The following LYZL1 variants were observed in gnomAD, a reference collection of about 807,000 sequenced individuals.
LYZL1 encodes the protein lysozyme like 1.
A neutral mutation model predicts 17.9 loss-of-function variants in LYZL1; 16 were observed. That is an observed-to-expected ratio of 0.90 (90% CI 0.61 to 1.36). The LOEUF (loss-of-function observed/expected upper bound fraction) is 1.36, where lower values mean the gene tolerates loss of function less well. Among genes scored for constraint, LYZL1 ranks in the 40% most tolerant of loss-of-function variants. LYZL1 has a pLI of 0.00. For synonymous variants in LYZL1, 58 were observed against 71.8 expected (o/e 0.81, Z 0.97); for missense variants, 149 against 188.4 (o/e 0.79, Z 1.22).
At chr10:29,302,708 C>T (rs1164148169) in intron 3 of LYZL1, among the ~76,000 whole-genome samples, 1 of 152,168 alleles carries the variant, frequency 6.6e-6, no homozygotes, top group Admixed American at 6.5e-5. Context: ...ATGAGCTGGC[C>T]TTCAGTGTGA....
At chr10:29,296,026 C>T (rs1223614886) in intron 3 of LYZL1, among the ~76,000 whole-genome samples, 1 of 152,100 alleles carries the variant, frequency 6.6e-6, no homozygotes, top group Non-Finnish European at 1.5e-5. Context: ...CTGTGAATCC[C>T]CTGGCACTCT....
intron 1 of LYZL1, among the ~76,000 whole-genome samples, chr10:29,290,102 T>G (rs191198956): frequency 2.2e-4 from 34 of 152,282 alleles, no homozygotes; most frequent in African/African-American, 7.0e-4. Context: ...ATCCCTGTTT[T>G]GGGCCTAGCC....
chr10:29,316,334 G>C (rs1054941251), intron 3 of LYZL1, among the ~76,000 whole-genome samples: 2 of 152,214 alleles, frequency 1.3e-5, no homozygotes, highest in Non-Finnish European at 2.9e-5. Flanking sequence ...CAGTCACTTT[G>C]GTTTAAACTG....
chr10:29,289,095 A>T lies in LYZL1; in HGVS notation c.-161A>T, dbSNP rs750709759. On this transcript the variant is annotated 5_prime_UTR_variant, in exon 1 of 5. Transcript: ENST00000649382. ...AGGAAAGGATTACTCGCGCCTCGTT[A>T]GAATCAGACATGGCTTCAGGGGATG... 1 of 1,553,664 alleles carries T rather than the reference A, an allele frequency of 6.4e-7. No individual in the cohort carries two copies. Among genetic ancestry groups the T allele is most frequent in the Non-Finnish European group, 8.7e-7 (1 of 1,147,008 alleles).
intron 1 of LYZL1, among the ~76,000 whole-genome samples, chr10:29,289,600 G>T (rs1302734730): frequency 1.3e-5 from 2 of 151,120 alleles, no homozygotes; most frequent in African/African-American, 2.4e-5. Flanking sequence ...TGTATATTTT[G>T]TAGAGGCAGG....
At chr10:29,307,399 C>T (rs1167808625) in intron 3 of LYZL1, among the ~76,000 whole-genome samples, 5 of 152,218 alleles carry the variant, frequency 3.3e-5, no homozygotes, top group South Asian at 2.1e-4. Flanking sequence ...TCACTTAGCA[C>T]GATCTCCTTC....
chr10:29,291,915 C>T lies in LYZL1; in HGVS notation c.48C>T (p.Gly16=), dbSNP rs552381298. ...CCCTCATTGGCTGCCTGGTCACAGG[C>T]GCCGAGTCCAAAATCTACACTCGTT... ...ILTLIGCLVT[G]AESKIYTRCK... The change falls in exon 2 of 5, where the codon GGC becomes GGT. Residue 16 remains glycine, a synonymous_variant. Coordinates refer to ENST00000649382, the MANE Select transcript of LYZL1 (RefSeq NM_032517.6). 2.8e-5 allele frequency: 44 copies of T among 1,589,068 alleles called. No individual in the cohort carries two copies. In the African/African-American group the frequency reaches 3.5e-4, roughly 13 times the overall value.
At chr10:29,307,106 G>A (rs1420197044) in intron 3 of LYZL1, among the ~76,000 whole-genome samples, 2 of 151,954 alleles carry the variant, frequency 1.3e-5, no homozygotes, top group Non-Finnish European at 2.9e-5. Context: ...CACCTGCCTC[G>A]GCCTCCCAAA....
intron 3 of LYZL1, among the ~76,000 whole-genome samples, chr10:29,307,774 C>T (rs1376502770): frequency 1.3e-5 from 2 of 152,076 alleles, no homozygotes; most frequent in African/African-American, 4.8e-5. Flanking sequence ...GTAAATAAAA[C>T]TAGAGTAAAC....
At chr10:29,290,027 T>C (rs937277028) in intron 1 of LYZL1, among the ~76,000 whole-genome samples, 2 of 152,196 alleles carry the variant, frequency 1.3e-5, no homozygotes, top group Non-Finnish European at 2.9e-5. Context: ...GTTCCTTACC[T>C]TATTGCTTAG....
At chr10:29,314,296 T>G (rs74131346), downstream of LYZL1, among the ~76,000 whole-genome samples, 2 of 152,152 alleles carry the variant, frequency 1.3e-5, no homozygotes, top group African/African-American at 4.8e-5. Flanking sequence ...CTGGACCATG[T>G]CCTTCACTGC....
chr10:29,297,800 C>T (rs146489381), intron 3 of LYZL1, among the ~76,000 whole-genome samples: 9 of 152,162 alleles, frequency 5.9e-5, no homozygotes, highest in East Asian at 1.9e-4. Flanking sequence ...CATACAATTT[C>T]GGAACATGAT....
In LYZL1 at chr10:29,306,796, A is replaced by ATGTGTGTGTGTGTGTGTG. The variant is rs35332190; in HGVS notation, c.299-3297_299-3280dup. Among the ~76,000 whole-genome samples the ATGTGTGTGTGTGTGTGTG allele has an allele frequency of 3.5e-5, 5 of 141,186 alleles. No homozygotes were observed. In the East Asian group the frequency reaches 6.2e-4, roughly 18 times the overall value. The allele number at this position is 141,186 out of a possible 152,430, so 92.6% of individuals were successfully genotyped here. A position where few individuals can be genotyped will look rare whatever the true frequency, so the allele number is the denominator to read the frequency against. On this transcript the variant is annotated intron_variant, in intron 3 of 4. Coordinates refer to ENST00000649382, the MANE Select transcript of LYZL1 (RefSeq NM_032517.6). ...CACCTCACATAGTTACCGCTTATGTATGTGTGTGTGTGTGTGTGTGTGTGT... is the reference window on the plus strand; with the variant it reads ...CACCTCACATAGTTACCGCTTATGTATGTGTGTGTGTGTGTGTGTGTGTGTGTGTGTGTGTGTGTGTGT...
chr10:29,314,049 T>A (rs1486190070), downstream of LYZL1, among the ~76,000 whole-genome samples: 1 of 152,192 alleles, frequency 6.6e-6, no homozygotes, highest in Non-Finnish European at 1.5e-5. Context: ...TGATTTTCCC[T>A]TGATGCCTTT....
At chr10:29,299,602 T>A (rs1249656885) in intron 3 of LYZL1, among the ~76,000 whole-genome samples, 1 of 152,192 alleles carries the variant, frequency 6.6e-6, no homozygotes, top group Non-Finnish European at 1.5e-5. Flanking sequence ...GAAGCTTTGT[T>A]ATTAGGCACA....
chr10:29,314,936 C>A (rs1022269109), downstream of LYZL1, among the ~76,000 whole-genome samples: 1 of 152,172 alleles, frequency 6.6e-6, no homozygotes, highest in Admixed American at 6.5e-5. Context: ...AGTTCCTTTA[C>A]GAACAGGGAG....
At position 29,292,675 on chromosome 10, in the gene LYZL1, C is replaced by G. The variant is rs567955087; in HGVS notation, c.296C>G (p.Ser99Ter). 7.4e-6 allele frequency: 12 copies of G among 1,612,712 alleles called. No individual in the cohort carries two copies. Among genetic ancestry groups the G allele is most frequent in the South Asian group, 2.2e-5 (2 of 90,780 alleles). Residue 99 changes from serine (S) to a stop codon, truncating the protein, a stop_gained and splice_region_variant, in exon 3 of 5, where the codon TCA (serine) becomes TGA (stop). Transcript: ENST00000649382. LOFTEE classifies it high-confidence loss of function. ...AACAACCACTGCCATGTCGCCTGCT[C>G]AGGTGAGGCTCTGACTTTCCAGTGA... is the stretch of plus-strand genomic sequence containing the variant. ...KENNHCHVAC[S>*]ALITDDLTDA...
chr10:29,317,954 A>G (rs576769917), intron 4 of LYZL1, among the ~76,000 whole-genome samples: 1 of 152,122 alleles, frequency 6.6e-6, no homozygotes, highest in East Asian at 1.9e-4. Context: ...TTTAAAAAAA[A>G]AAAAAAAGTG....
chr10:29,290,841 A>AAAAAAAAT (rs1554782192), intron 1 of LYZL1, among the ~76,000 whole-genome samples: 2 of 151,750 alleles, frequency 1.3e-5, no homozygotes, highest in Non-Finnish European at 2.9e-5. Flanking sequence ...TCCATCTCAA[A>AAAAAAAAT]AAATAAATAA....
Sources: gnomAD v4.1 joint callset for allele counts (sites outside exome capture counted in the v4.1 genomes callset) on GRCh38, gnomAD v4.1.1 for gene constraint, MANE v1.5 for transcripts, NCBI Gene and HGNC (gene_info 2026-07-23, HGNC 2026-07-21) for gene names.